HIVEP3: variants seen among roughly 807,000 people sequenced by gnomAD.
HIVEP3 encodes the protein HIVEP zinc finger 3.
HIVEP3 carries 49 observed loss-of-function variants against 152.8 expected under a neutral mutation model. The ratio of observed to expected loss-of-function variants is 0.32; its 90% CI spans 0.26 to 0.41. The LOEUF is 0.41. HIVEP3 is among the 10% of genes least tolerant of loss of function. HIVEP3 has a pLI of 1.00. For missense variants in HIVEP3, 2,790 were observed against 3,103.3 expected (o/e 0.90, Z 2.40); for synonymous variants, 1,269 against 1,289.0 (o/e 0.98, Z 0.33).
intron 1 of HIVEP3, among the ~76,000 whole-genome samples, chr1:41,781,230 T>G (rs1350435807): frequency 1.3e-5 from 2 of 152,206 alleles, no homozygotes; most frequent in African/African-American, 4.8e-5. Context: ...GGGGTCCCTA[T>G]CTTACCAGTG....
At chr1:41,760,176 G>A (rs2124243947) in intron 1 of HIVEP3, among the ~76,000 whole-genome samples, 1 of 152,266 alleles carries the variant, frequency 6.6e-6, no homozygotes, top group Non-Finnish European at 1.5e-5. Flanking sequence ...AACATAGTGA[G>A]GCCCTGTATT....
At chr1:42,004,308 T>A (rs771413171) in intron 1 of HIVEP3, among the ~76,000 whole-genome samples, 26 of 152,242 alleles carry the variant, frequency 1.7e-4, no homozygotes, top group Admixed American at 3.3e-4. Flanking sequence ...TCATGACTTC[T>A]GATTTTCTCA....
rs148773276 is a variant in HIVEP3, at chr1:42,001,585, C to T, written n.119+34222G>A. 4.6e-3 allele frequency among the ~76,000 whole-genome samples: 703 copies of T among 152,304 alleles called. 3 individuals carry two copies. Among genetic ancestry groups the T allele is most frequent in the Middle Eastern group, 0.017 (5 of 294 alleles). ...TATTGATTACCTACTATGTACCAGA[C>T]CCTGGGCTGGGCCCCGAAGACACAG... On this transcript the variant is annotated intron_variant and non_coding_transcript_variant, in intron 1 of 3. Coordinates refer to the HIVEP3 transcript ENST00000489103.
At chr1:41,526,551 C>CCTCACT (rs374670747) in intron 5 of HIVEP3, among the ~76,000 whole-genome samples, 1,609 of 100,812 alleles carry the variant, frequency 0.016, 109 homozygotes, top group African/African-American at 0.074. Flanking sequence ...CCACACTCAC[C>CCTCACT]CTCACCCTCA....
intron 2 of HIVEP3, among the ~76,000 whole-genome samples, chr1:41,635,719 C>T (rs941175533): frequency 6.6e-6 from 1 of 151,598 alleles, no homozygotes; most frequent in Non-Finnish European, 1.5e-5. Context: ...ATGGACAAAT[C>T]GGTGGCAAAT....
chr1:41,527,614 C>A (rs1419928477), intron 5 of HIVEP3, among the ~76,000 whole-genome samples: 1 of 143,638 alleles, frequency 7.0e-6, no homozygotes, highest in Admixed American at 6.9e-5. Context: ...ACTCTACTCC[C>A]CACCCTCACA....
rs1644466399 is a variant in HIVEP3 at position 41,584,147 on chromosome 1, C to T, written c.651G>A (p.Glu217=). The T allele has an allele frequency of 1.9e-6, 3 of 1,614,178 alleles. No individual in the cohort carries two copies. The African/African-American group carries it at 4.0e-5, about 22-fold the overall frequency. The change falls in exon 4 of 9, where the codon GAG becomes GAA. Residue 217 remains glutamate (E), a synonymous_variant. Transcript: ENST00000372583. This position sits in a 1 kb window ranked among gnomAD's most constrained non-coding sequence, Gnocchi z 5.2. ...CACAGGGGCCGCAGGGGTAGGGCCTCTCACCTGTGTGTGAGCGAATGTGCT... is the reference window on the plus strand; with the variant it reads ...CACAGGGGCCGCAGGGGTAGGGCCTTTCACCTGTGTGTGAGCGAATGTGCT... ...LQKHIRSHTG[E]RPYPCGPCGF... is the part of the protein sequence containing the mutation.
chr1:41,713,163 G>A (rs565489046), intron 1 of HIVEP3, among the ~76,000 whole-genome samples: 2 of 152,250 alleles, frequency 1.3e-5, no homozygotes, highest in African/African-American at 4.8e-5. Flanking sequence ...TGGTAGGCAC[G>A]GACACCTTCC....
intron 1 of HIVEP3, among the ~76,000 whole-genome samples, chr1:41,722,675 T>C (rs1461752988): frequency 6.6e-6 from 1 of 151,914 alleles, no homozygotes; most frequent in African/African-American, 2.4e-5. Flanking sequence ...GCACTCACAG[T>C]CTAGTCAAGG....
At chr1:41,846,618 G>A (rs1643452331) in intron 1 of HIVEP3, among the ~76,000 whole-genome samples, 1 of 152,164 alleles carries the variant, frequency 6.6e-6, no homozygotes, top group Non-Finnish European at 1.5e-5. Flanking sequence ...TTTTTTCCTT[G>A]GGACTTTCAG....
intron 1 of HIVEP3, among the ~76,000 whole-genome samples, chr1:41,885,356 C>T (rs369335655): frequency 1.4e-4 from 21 of 151,640 alleles, no homozygotes; most frequent in African/African-American, 5.1e-4. Flanking sequence ...CCACTGTACT[C>T]GAAGTAGATG....
chr1:41,563,724 A>AG (rs1013297992), intron 5 of HIVEP3, among the ~76,000 whole-genome samples: 33 of 152,308 alleles, frequency 2.2e-4, no homozygotes, highest in Admixed American at 2.1e-3. Context: ...CACACAATAA[A>AG]GGGGCACTTG....
At chr1:41,909,844 AAC>A (rs1644769358) in intron 1 of HIVEP3, among the ~76,000 whole-genome samples, 1 of 152,136 alleles carries the variant, frequency 6.6e-6, no homozygotes, top group Admixed American at 6.5e-5. Flanking sequence ...ATTAAAAAGA[AAC>A]ACAGCTTTAA....
At chr1:41,897,937 GGGAGAGAGAGAGAGAGAGAGAGAGA>G (rs1644556933) in intron 1 of HIVEP3, among the ~76,000 whole-genome samples, 2 of 104,822 alleles carry the variant, frequency 1.9e-5, no homozygotes, top group African/African-American at 8.0e-5. Flanking sequence ...CTGAGAGAGA[GGGAGAGAGAGAGAGAGAGAGAGAGA>G]GAGAGAGAGA....
intron 1 of HIVEP3, among the ~76,000 whole-genome samples, chr1:41,780,018 A>T (rs1200256574): frequency 1.3e-5 from 2 of 152,216 alleles, no homozygotes; most frequent in Non-Finnish European, 2.9e-5. Context: ...AAATTAAATG[A>T]CAATGACAAA....
chr1:41,647,748 C>G (rs755831634), intron 2 of HIVEP3, among the ~76,000 whole-genome samples: 19 of 152,388 alleles, frequency 1.2e-4, no homozygotes, highest in Non-Finnish European at 2.6e-4. Flanking sequence ...CTCACTGCCT[C>G]TGAGCCACAA....
At chr1:41,661,927 G>A (rs1361861365) in intron 2 of HIVEP3, among the ~76,000 whole-genome samples, 1 of 152,162 alleles carries the variant, frequency 6.6e-6, no homozygotes, top group African/African-American at 2.4e-5. Context: ...CGTGCATCAG[G>A]CCACCGCAGG....
chr1:41,698,177 T>A (rs1349680367), intron 2 of HIVEP3, among the ~76,000 whole-genome samples: 1 of 152,160 alleles, frequency 6.6e-6, no homozygotes, highest in African/African-American at 2.4e-5. Flanking sequence ...GCAGATTCCC[T>A]CCTTATGATG....
chr1:41,544,541 C>A (rs1643613940), intron 5 of HIVEP3, among the ~76,000 whole-genome samples: 1 of 151,702 alleles, frequency 6.6e-6, no homozygotes, highest in Non-Finnish European at 1.5e-5. Context: ...CCACAGCAAA[C>A]CCTCACCATA....
Sources: allele counts gnomAD v4.1 joint callset (sites outside exome capture counted in the v4.1 genomes callset), GRCh38; gene constraint gnomAD v4.1.1; non-coding constraint Gnocchi (gnomAD v3.1); transcripts MANE v1.5; gene names NCBI Gene and HGNC (gene_info 2026-07-23, HGNC 2026-07-21).